JAG2: variants seen among roughly 807,000 people sequenced by gnomAD.
JAG2 encodes jagged canonical Notch ligand 2.
Under a neutral mutation model 141.7 loss-of-function variants are expected in JAG2, and 46 were observed. The ratio of observed to expected loss-of-function variants is 0.32; its 90% CI spans 0.26 to 0.42. The LOEUF (loss-of-function observed/expected upper bound fraction) is 0.42, where lower values mean the gene tolerates loss of function less well. Ranked by LOEUF, JAG2 falls within the 10% of genes least tolerant of loss-of-function variation. JAG2 has a pLI of 1.00. For synonymous variants in JAG2, 862 were observed against 763.5 expected (o/e 1.13, Z -2.13); for missense variants, 1,500 against 1,817.5 (o/e 0.83, Z 3.18).
At chr14:105,145,996 G>A (rs776753134) in intron 22 of JAG2, 23 bp from the exon 23 acceptor site, 4 of 1,589,090 alleles carry the variant, frequency 2.5e-6, no homozygotes, top group Non-Finnish European at 1.7e-6. Context: ...GCACAGGAGG[G>A]TCAGGCGCAG....
intron 24 of JAG2, 61 bp from the exon 25 acceptor site, chr14:105,143,699 C>A (rs1888134934): frequency 4.4e-6 from 7 of 1,583,294 alleles, no homozygotes; most frequent in Non-Finnish European, 6.0e-6. Context: ...AGCAGCCTGC[C>A]CCCAACACTG....
rs1888227436 is a variant in JAG2 at position 105,146,472 on chromosome 14, G to C, written c.2622C>G (p.Ser874=). Residue 874 remains serine, a synonymous_variant, in exon 22 of 26, where the codon TCC becomes TCG. Transcript: ENST00000331782. ...TTCCGTGTGGGAACGGAGTGCCCCG[G>C]GACCAGCAGGATCTCCCGAACCCGA... ...EVIGFGRSCW[S]RGTPFPHGSS... 1 of 1,612,792 alleles carries C rather than the reference G, an allele frequency of 6.2e-7. No homozygotes were observed. The highest frequency in any genetic ancestry group is 8.5e-7 in the Non-Finnish European group (1 of 1,179,910).
rs587721695 is a variant in JAG2 at position 105,152,955 on chromosome 14, G to A, written c.789-664C>T. On this transcript the variant is annotated intron_variant, in intron 5 of 25. Coordinates refer to ENST00000331782, the MANE Select transcript of JAG2 (RefSeq NM_002226.5). ...GCCCTGCCCCAGGCTATCGGCCAAC[G>A]TCCTGTCTTGGGAGTCCCCCAGGAG... 5.3e-5 allele frequency among the ~76,000 whole-genome samples: 8 copies of A among 152,272 alleles called. No individual in the cohort carries two copies. The East Asian group carries it at 9.7e-4, about 18-fold the overall frequency.
rs183025262 is a variant in JAG2 at position 105,160,537 on chromosome 14, A to T, written c.418-2774T>A. Among the ~76,000 whole-genome samples, 756 of 151,896 alleles carry T rather than the reference A, an allele frequency of 5.0e-3. 5 individuals carry two copies. The highest frequency in any genetic ancestry group is 0.017 in the African/African-American group (716 of 41,422). On this transcript the variant is annotated intron_variant, in intron 2 of 25. Transcript: ENST00000331782. The stretch of plus-strand genomic sequence containing the variant: ...AACCTATAGCCAGCGGGGCTCGGGG[A>T]AAGCAACAGGGGGCAGGGGCTGTTG...
intron 12 of JAG2, among the ~76,000 whole-genome samples, chr14:105,149,765 G>A (rs1186422346): frequency 6.9e-6 from 1 of 145,972 alleles, no homozygotes; most frequent in African/African-American, 2.6e-5. Flanking sequence ...TCTGCACCAA[G>A]GCCAGGGCAG....
rs771544324 is a variant in JAG2 at position 105,143,536 on chromosome 14, G to A, written c.3187C>T (p.Leu1063=). 1.6e-5 allele frequency: 25 copies of A among 1,590,356 alleles called. No individual in the cohort carries two copies. Among genetic ancestry groups the A allele is most frequent in the Non-Finnish European group, 1.9e-5 (22 of 1,171,318 alleles). Residue 1063 remains leucine (L), a synonymous_variant, in exon 25 of 26, where the codon CTG becomes TTG. Coordinates refer to ENST00000331782, the MANE Select transcript of JAG2 (RefSeq NM_002226.5). ...TCCACCTTGACCTCGGTGACAGCCA[G>A]GAGCAGTGAGCTGTTCCCCCGCTGG... ...ITQRGNSSLL[L]AVTEVKVETV... is the part of the protein sequence containing the mutation.
chr14:105,164,567 G>A (rs1205746232), intron 2 of JAG2, among the ~76,000 whole-genome samples: 1 of 152,240 alleles, frequency 6.6e-6, no homozygotes, highest in East Asian at 1.9e-4. Context: ...AGGAAGCAGA[G>A]TGGTGCTGAA....
chr14:105,151,931 C>G lies in JAG2; in HGVS notation c.1039+7G>C, dbSNP rs377309230. The G allele has an allele frequency of 3.7e-5, 59 of 1,612,754 alleles. No individual in the cohort carries two copies. The highest frequency in any genetic ancestry group is 3.3e-4 in the African/African-American group (25 of 74,942). On this transcript the variant is annotated splice_region_variant and intron_variant, in intron 7 of 25. Coordinates refer to ENST00000331782, the MANE Select transcript of JAG2 (RefSeq NM_002226.5). ...GCCAGAATTTGGGTGGCCAGCCCCC[C>G]ACGTACCCTTCTCACAGTTCCTGCC...
At chr14:105,150,187 G>A (rs1387902023) in intron 12 of JAG2, among the ~76,000 whole-genome samples, 2 of 151,684 alleles carry the variant, frequency 1.3e-5, no homozygotes, top group East Asian at 1.9e-4. Context: ...GAGAGCATCA[G>A]CCCTGAGAGA....
intron 4 of JAG2, 57 bp from the exon 5 acceptor site, chr14:105,155,679 T>C (rs1456488258): frequency 6.2e-7 from 1 of 1,612,206 alleles, no homozygotes. Flanking sequence ...GCAAGGCCTG[T>C]GCCCGGGGCC....
At chr14:105,143,307 G>T in intron 25 of JAG2, 137 bp from the exon 26 acceptor site, 1 of 1,303,988 alleles carries the variant, frequency 7.7e-7, no homozygotes, top group Non-Finnish European at 1.1e-6. Context: ...CGTGGGGAGG[G>T]TCCCAGGACG....
intron 22 of JAG2, 21 bp downstream of exon 22, chr14:105,146,364 C>A (rs374385513): frequency 1.9e-6 from 3 of 1,595,974 alleles, no homozygotes; most frequent in Non-Finnish European, 1.7e-6. Flanking sequence ...TAGGGCAGGG[C>A]GGCTCACGGG....
chr14:105,163,261 T>G (rs1595189807), intron 2 of JAG2, among the ~76,000 whole-genome samples: 1 of 151,836 alleles, frequency 6.6e-6, no homozygotes, highest in South Asian at 2.1e-4. Context: ...GAAGAAGGGG[T>G]GGGGGCAAAC....
At chr14:105,147,584 C>T in intron 18 of JAG2, 57 bp from the exon 19 acceptor site, 1 of 1,557,936 alleles carries the variant, frequency 6.4e-7, no homozygotes, top group South Asian at 1.1e-5. Context: ...GCGTGCCAGG[C>T]ACTGTCCAGG....
At chr14:105,151,859 AG>A in intron 7 of JAG2, 78 bp downstream of exon 7, 1 of 1,609,466 alleles carries the variant, frequency 6.2e-7, no homozygotes, top group Non-Finnish European at 8.5e-7. Context: ...ACAGGACGCC[AG>A]AGGGATGGGG....
chr14:105,152,149 C>T lies in JAG2; in HGVS notation c.919+12G>A, dbSNP rs749645638. On this transcript the variant is annotated intron_variant, in intron 6 of 25. Coordinates refer to ENST00000331782, the MANE Select transcript of JAG2 (RefSeq NM_002226.5). ...ATGGCAGAGCATTAGGCCTGCCGCC[C>T]CCTACCACTACCTTTGTCACAGAGC... 28 of 1,613,590 alleles carry T rather than the reference C, an allele frequency of 1.7e-5. No individual in the cohort carries two copies. Among genetic ancestry groups the T allele is most frequent in the Non-Finnish European group, 2.2e-5 (26 of 1,180,000 alleles).
In JAG2 at chr14:105,145,048, C is replaced by T. The variant is rs778532598; in HGVS notation, c.2966G>A (p.Gly989Asp). 6.2e-7 allele frequency: 1 copy of T among 1,609,902 alleles called. No individual in the cohort carries two copies. The highest frequency in any genetic ancestry group is 1.7e-5 in the Admixed American group (1 of 59,974). The change falls in exon 24 of 26, where the codon GGC becomes GAC. Residue 989 changes from glycine to aspartate, a missense_variant. Gly to Asp is a moderately conservative substitution (Grantham distance 94). Coordinates refer to ENST00000331782, the MANE Select transcript of JAG2 (RefSeq NM_002226.5). Reference protein sequence around the residue: ...RDHVPQGTTVGAICSGIRSLP... With the variant: ...RDHVPQGTTVDAICSGIRSLP... ...GGAGCGGATCCCGGAGCAAATGGCG[C>T]CCACCGTGGTGCCCTGGGCAGAGAC...
rs1397554506 is a variant in JAG2 at position 105,143,449 on chromosome 14, G to C, written c.3241+33C>G. 7 of 1,539,686 alleles carry C rather than the reference G, an allele frequency of 4.5e-6. No individual in the cohort carries two copies. The East Asian group carries it at 1.7e-4, about 38-fold the overall frequency. On this transcript the variant is annotated intron_variant, in intron 25 of 25. Coordinates refer to ENST00000331782, the MANE Select transcript of JAG2 (RefSeq NM_002226.5). Reference sequence around the variant, plus strand: ...GCCCAATGCCTGAGTTGCCTGCCTGGTGCCTTCCCAGGGGCCCACCTCCCG... The same window carrying C: ...GCCCAATGCCTGAGTTGCCTGCCTGCTGCCTTCCCAGGGGCCCACCTCCCG...
chr14:105,166,257 C>T (rs1472595008), intron 2 of JAG2, among the ~76,000 whole-genome samples: 1 of 152,378 alleles, frequency 6.6e-6, no homozygotes, highest in South Asian at 2.1e-4. Flanking sequence ...CGCGATAGCC[C>T]GCCACATTCC....
Sources: gnomAD v4.1 joint callset for allele counts (sites outside exome capture counted in the v4.1 genomes callset) on GRCh38, gnomAD v4.1.1 for gene constraint, MANE v1.5 for transcripts, NCBI Gene and HGNC (gene_info 2026-07-23, HGNC 2026-07-21) for gene names.